Variants in RBFOX1 observed in about 807,000 individuals in gnomAD.
RBFOX1 encodes the protein RNA binding protein fox-1 homolog 1.
In RBFOX1, 8 loss-of-function variants were observed where a neutral mutation model predicts 57.7. That is an observed-to-expected ratio of 0.14 (90% CI 0.08 to 0.25). The LOEUF is 0.25. Ranked by LOEUF, RBFOX1 falls within the 10% of genes least tolerant of loss-of-function variation. The pLI is 1.00. For synonymous variants in RBFOX1, 326 were observed against 222.4 expected (o/e 1.47, Z -4.15); for missense variants, 611 against 548.5 (o/e 1.11, Z -1.14).
At chr16:6,359,086 G>T (rs1367049211) in intron 2 of RBFOX1, among the ~76,000 whole-genome samples, 2 of 113,590 alleles carry the variant, frequency 1.8e-5, no homozygotes, top group East Asian at 5.0e-4. Context: ...GTTTTTGTTT[G>T]TTTGTTTGTT....
intron 4 of RBFOX1, among the ~76,000 whole-genome samples, chr16:5,943,480 G>C (rs1375628484): frequency 6.6e-6 from 1 of 152,174 alleles, no homozygotes; most frequent in Non-Finnish European, 1.5e-5. Context: ...TTCTCATTTA[G>C]ACCACAGGGT....
chr16:6,965,831 G>T (rs1437900008), intron 3 of RBFOX1, among the ~76,000 whole-genome samples: 2 of 152,140 alleles, frequency 1.3e-5, no homozygotes, highest in Non-Finnish European at 1.5e-5. Context: ...ACTGAAATAG[G>T]TGCTGTCGCA....
intron 4 of RBFOX1, among the ~76,000 whole-genome samples, chr16:7,085,769 CAG>C (rs746396878): frequency 7.9e-5 from 12 of 152,254 alleles, no homozygotes; most frequent in South Asian, 4.1e-4. Context: ...ACTGTAATGA[CAG>C]AGTGTGTTCA....
intron 4 of RBFOX1, among the ~76,000 whole-genome samples, chr16:5,931,400 T>C (rs771616895): frequency 1.3e-5 from 2 of 152,240 alleles, no homozygotes; most frequent in African/African-American, 4.8e-5. Flanking sequence ...GGGTCCTTTG[T>C]CTGAACCACA....
chr16:5,598,486 T>A (rs2047261332), intron 2 of RBFOX1, among the ~76,000 whole-genome samples: 1 of 152,180 alleles, frequency 6.6e-6, no homozygotes, highest in African/African-American at 2.4e-5. Context: ...AAACTTCCTT[T>A]GAGATAGTCT....
At chr16:6,529,871 G>T (rs1316042134) in intron 2 of RBFOX1, among the ~76,000 whole-genome samples, 1 of 152,106 alleles carries the variant, frequency 6.6e-6, no homozygotes, top group Non-Finnish European at 1.5e-5. Flanking sequence ...AGCTCAGTGA[G>T]ATATAAACAT....
Position 6,450,829 on chromosome 16 carries a change from A to ATGTGTG in RBFOX1, c.-64+133773_-64+133774insGTGTGT, listed in dbSNP as rs1567303716. ...TATATATATATATACATATATATAT[A>ATGTGTG]TATATATGTGTATATATATATATAT... On this transcript the variant is annotated intron_variant, in intron 2 of 15. Coordinates refer to ENST00000550418, the MANE Select transcript of RBFOX1 (RefSeq NM_018723.4). Among the ~76,000 whole-genome samples, 11 of 38,420 alleles carry ATGTGTG rather than the reference A, an allele frequency of 2.9e-4. 1 individual carries two copies. Among genetic ancestry groups the ATGTGTG allele is most frequent in the African/African-American group, 1.8e-3 (11 of 6,276 alleles). The allele number at this position is 38,420 out of a possible 152,430, so 25.2% of individuals were successfully genotyped here.
chr16:5,637,505 T>C (rs2048721868), intron 3 of RBFOX1, among the ~76,000 whole-genome samples: 1 of 152,238 alleles, frequency 6.6e-6, no homozygotes, highest in Non-Finnish European at 1.5e-5. Flanking sequence ...CTAATGTCTA[T>C]AATGTGCTTA....
chr16:7,458,129 A>G (rs192466043), intron 4 of RBFOX1, among the ~76,000 whole-genome samples: 187 of 152,260 alleles, frequency 1.2e-3, no homozygotes, highest in Non-Finnish European at 2.2e-3. Flanking sequence ...GTAAGTTGCC[A>G]ACTCACTGGA....
chr16:7,701,948 G>A (rs1002190481), intron 14 of RBFOX1, among the ~76,000 whole-genome samples: 10 of 152,200 alleles, frequency 6.6e-5, no homozygotes, highest in African/African-American at 2.4e-4. Context: ...CATGGCCTGA[G>A]GTTCTGGAAA....
At chr16:5,399,338 T>C (rs140113007) in intron 1 of RBFOX1, among the ~76,000 whole-genome samples, 10 of 152,266 alleles carry the variant, frequency 6.6e-5, no homozygotes, top group Middle Eastern at 3.4e-3. Context: ...AAAGTAGATA[T>C]TGGAGTAGGA....
chr16:7,049,681 T>G (rs2049293960), intron 3 of RBFOX1, among the ~76,000 whole-genome samples: 1 of 152,016 alleles, frequency 6.6e-6, no homozygotes, highest in Non-Finnish European at 1.5e-5. Context: ...ATTTTGGTCG[T>G]TTTGTTCCCC....
chr16:7,322,516 T>C (rs1205332148), intron 4 of RBFOX1, among the ~76,000 whole-genome samples: 1 of 152,212 alleles, frequency 6.6e-6, no homozygotes, highest in Non-Finnish European at 1.5e-5. Flanking sequence ...GCTACCTACT[T>C]GGAAATCTGA....
At position 6,998,830 on chromosome 16, in the gene RBFOX1, C is replaced by G. The variant is rs146776303; in HGVS notation, c.-15-53227C>G. On this transcript the variant is annotated intron_variant, in intron 3 of 15. Coordinates refer to ENST00000550418, the MANE Select transcript of RBFOX1 (RefSeq NM_018723.4). ...GTACTTTAAAATATACCCACAAATA[C>G]TGGAGTCATGTTTCTTCTTTTTTTA... is the stretch of plus-strand genomic sequence containing the variant. Among the ~76,000 whole-genome samples, 622 of 152,006 alleles carry G rather than the reference C, an allele frequency of 4.1e-3. 2 individuals are homozygous for G. Among genetic ancestry groups the G allele is most frequent in the African/African-American group, 0.013 (536 of 41,480 alleles).
At chr16:7,212,440 A>G (rs1351670882) in intron 4 of RBFOX1, among the ~76,000 whole-genome samples, 1 of 152,180 alleles carries the variant, frequency 6.6e-6, no homozygotes, top group Non-Finnish European at 1.5e-5. Flanking sequence ...ATGAATAGGC[A>G]TACTTGTATC....
intron 4 of RBFOX1, among the ~76,000 whole-genome samples, chr16:7,440,334 A>G (rs4787018): frequency 0.28 from 42,869 of 152,132 alleles, 6,995 homozygotes; most frequent in Non-Finnish European, 0.38. Context: ...CTGTGAAAAA[A>G]CAAGATTGTT....
In RBFOX1 at chr16:5,875,683, A is replaced by G. The variant is rs143112219; in HGVS notation, c.351+8348A>G. Among the ~76,000 whole-genome samples, 1,282 of 152,306 alleles carry G rather than the reference A, an allele frequency of 8.4e-3. 12 individuals carry two copies. Among genetic ancestry groups the G allele is most frequent in the African/African-American group, 0.029 (1,207 of 41,550 alleles). ...ACCAATTCCTGGCGTCTGAACCCAC[A>G]TGGAAGCATCATTCCTAAGAGTGTT... On this transcript the variant is annotated intron_variant, in intron 4 of 19. Transcript: ENST00000641259.
intron 1 of RBFOX1, among the ~76,000 whole-genome samples, chr16:5,308,551 C>A (rs1206960017): frequency 1.3e-5 from 2 of 152,120 alleles, no homozygotes; most frequent in African/African-American, 4.8e-5. Context: ...TCATCTCAAA[C>A]CCATGTCTCC....
chr16:5,961,803 C>A (rs2059755450), intron 4 of RBFOX1, among the ~76,000 whole-genome samples: 1 of 152,196 alleles, frequency 6.6e-6, no homozygotes, highest in South Asian at 2.1e-4. Flanking sequence ...ACTGGGGTTG[C>A]ATGCATGAGT....
Sources: allele counts gnomAD v4.1 joint callset (sites outside exome capture counted in the v4.1 genomes callset), GRCh38; gene constraint gnomAD v4.1.1; transcripts MANE v1.5; gene names NCBI Gene and HGNC (gene_info 2026-07-23, HGNC 2026-07-21).